COL20A1: variants seen among roughly 807,000 people sequenced by gnomAD.
COL20A1 encodes collagen alpha-1(XX) chain.
Under a neutral mutation model 152.9 loss-of-function variants are expected in COL20A1, and 164 were observed. That is an observed-to-expected ratio of 1.07 (90% CI 0.94 to 1.22). COL20A1 has a LOEUF of 1.22. COL20A1 is among the 50% of genes most tolerant of loss of function. The probability of loss-of-function intolerance (pLI) is 0.00; values close to 1 mark genes in which losing one functional copy is unlikely to be tolerated. For missense variants in COL20A1, 1,873 were observed against 1,744.8 expected, an observed-to-expected ratio of 1.07 and a Z score of -1.31; for synonymous variants, 864 against 756.0, an observed-to-expected ratio of 1.14 and a Z score of -2.34.
intron 7 of COL20A1, 55 bp downstream of exon 7, chr20:63,308,145 C>T: frequency 6.3e-7 from 1 of 1,595,002 alleles, no homozygotes; most frequent in Admixed American, 1.7e-5. Context: ...CCTTCTGCCG[C>T]CCTCCCAGAT....
intron 20 of COL20A1, among the ~76,000 whole-genome samples, chr20:63,316,081 G>C (rs964740419): frequency 6.6e-6 from 1 of 152,168 alleles, no homozygotes; most frequent in African/African-American, 2.4e-5. Context: ...GAGCGAGCTG[G>C]CCACGCTGTG....
At chr20:63,317,614 A>AGCC (rs1447558895) in intron 21 of COL20A1, among the ~76,000 whole-genome samples, 1 of 151,974 alleles carries the variant, frequency 6.6e-6, no homozygotes, top group African/African-American at 2.4e-5. Context: ...GTCCCCACAC[A>AGCC]GCCGCCGGCC....
chr20:63,327,198 C>T (rs150129155), intron 31 of COL20A1: 9,094 of 201,472 alleles, frequency 0.045, 313 homozygotes, highest in South Asian at 0.07. Context: ...GTTGACGGCC[C>T]GGGGACTTCC....
chr20:63,294,772 G>T (rs1177289780), intron 1 of COL20A1, among the ~76,000 whole-genome samples: 1 of 152,154 alleles, frequency 6.6e-6, no homozygotes, highest in Non-Finnish European at 1.5e-5. Flanking sequence ...GCCCGTCCCA[G>T]CCACCCCTGC....
intron 29 of COL20A1, 149 bp downstream of exon 29, chr20:63,325,870 T>A: frequency 1.2e-6 from 1 of 818,440 alleles, no homozygotes; most frequent in South Asian, 1.7e-5. Context: ...CCCTTCAGCC[T>A]GTGGCCTGGC....
At position 63,306,503 on chromosome 20, in the gene COL20A1, G is replaced by C. The variant is rs1051035703; in HGVS notation, c.496+464G>C. ...GGGAACCTCCAGCCTGGGTCTAGGG[G>C]GTGGTGAGAGGGGTGGGTCATGCTC... On this transcript the variant is annotated intron_variant, in intron 5 of 35. Transcript: ENST00000358894. This position sits in a 1 kb window ranked among gnomAD's most constrained non-coding sequence, Gnocchi z 6.9. Among the ~76,000 whole-genome samples, 2 of 152,244 alleles carry C rather than the reference G, an allele frequency of 1.3e-5. No homozygotes were observed. The highest frequency in any genetic ancestry group is 2.4e-5 in the African/African-American group (1 of 41,448).
chr20:63,308,592 C>T lies in COL20A1; in HGVS notation c.826C>T (p.Leu276Phe), dbSNP rs555238374. 6.2e-7 allele frequency: 1 copy of T among 1,605,550 alleles called. No homozygotes were observed. Among genetic ancestry groups the T allele is most frequent in the South Asian group, 1.1e-5 (1 of 89,786 alleles). ...GCAGAACCTGCAGCCGGCGGCTGGCCTCCGTCCAGAGGCAGCCAAGGTGGT... is the reference window on the plus strand; with the variant it reads ...GCAGAACCTGCAGCCGGCGGCTGGCTTCCGTCCAGAGGCAGCCAAGGTGGT... ...LGQNLQPAAG[L>F]RPEAAKVVIL... is the part of the protein sequence containing the mutation. The change falls in exon 8 of 36, where the codon CTC becomes TTC. Residue 276 changes from leucine to phenylalanine, a missense_variant. Coordinates refer to ENST00000358894, the MANE Select transcript of COL20A1 (RefSeq NM_020882.4).
chr20:63,307,451 G>T, intron 5 of COL20A1, 39 bp from the exon 6 acceptor site: 1 of 1,584,674 alleles, frequency 6.3e-7, no homozygotes, highest in South Asian at 1.1e-5. Context: ...GACCAGGGAT[G>T]GGCCTCACCT....
chr20:63,313,730 T>C lies in COL20A1; in HGVS notation c.2210-13T>C, dbSNP rs750777535. 6.4e-7 allele frequency: 1 copy of C among 1,568,406 alleles called. No individual in the cohort carries two copies. The highest frequency in any genetic ancestry group is 1.4e-5 in the African/African-American group (1 of 73,328). ...AGGGGCCTGAGCCCCACACAACCCA[T>C]GCTCTCGGCCAGCCACGGTGAGCAG... On this transcript the variant is annotated splice_polypyrimidine_tract_variant and intron_variant, in intron 17 of 35. Transcript: ENST00000358894. The surrounding 1 kb of genome is among the most constrained non-coding windows in gnomAD (Gnocchi z 5.9).
At position 63,313,809 on chromosome 20, in the gene COL20A1, T is replaced by G; in HGVS notation, c.2276T>G (p.Val759Gly). 1.9e-6 allele frequency: 3 copies of G among 1,610,768 alleles called. No homozygotes were observed. The highest frequency in any genetic ancestry group is 2.5e-6 in the Non-Finnish European group (3 of 1,179,196). The change falls in exon 18 of 36, where the codon GTC becomes GGC. Residue 759 changes from valine to glycine, a missense_variant. By Grantham distance (109) the Val-to-Gly change is moderately radical. Transcript: ENST00000358894. The surrounding 1 kb of genome is among the most constrained non-coding windows in gnomAD (Gnocchi z 5.9). The part of the protein sequence containing the change: ...LASETPDSLQ[V>G]SWTPPLGRVL... Reference sequence around the variant, plus strand: ...TCGGAGACCCCCGACAGCCTGCAGGTCAGCTGGACGCCCCCGCTTGGCCGC... The same window carrying G: ...TCGGAGACCCCCGACAGCCTGCAGGGCAGCTGGACGCCCCCGCTTGGCCGC...
chr20:63,307,316 G>A (rs568119099), intron 5 of COL20A1, among the ~76,000 whole-genome samples, 174 bp from the exon 6 acceptor site: 4 of 152,240 alleles, frequency 2.6e-5, no homozygotes, highest in African/African-American at 4.8e-5. Context: ...ATGTGCAGCC[G>A]TGCCGGTGTG....
Position 63,312,511 on chromosome 20 carries a change from G to C in COL20A1, c.1895G>C (p.Gly632Ala). The C allele has an allele frequency of 6.2e-7, 1 of 1,607,802 alleles. No homozygotes were observed. Among genetic ancestry groups the C allele is most frequent in the Non-Finnish European group, 8.5e-7 (1 of 1,178,412 alleles). ...GTCCGTGTCACCTGCCTCTACCCTG[G>C]GGGTGGCTCCTCTACGCTGACTGGC... ...YTVRVTCLYP[G>A]GGSSTLTGRV... The change falls in exon 15 of 36, where the codon GGG (glycine) becomes GCG (alanine). Residue 632 changes from glycine (G) to alanine (A), a missense_variant. Transcript: ENST00000358894.
intron 3 of COL20A1, among the ~76,000 whole-genome samples, chr20:63,303,378 T>C (rs2067882450): frequency 6.6e-6 from 1 of 152,206 alleles, no homozygotes; most frequent in South Asian, 2.1e-4. Context: ...ATATTAAATG[T>C]CATAAAACTT....
In COL20A1 at chr20:63,312,525, A is replaced by G; in HGVS notation, c.1909A>G (p.Thr637Ala). 1 of 1,599,132 alleles carries G rather than the reference A, an allele frequency of 6.3e-7. No individual in the cohort carries two copies. Among genetic ancestry groups the G allele is most frequent in the Non-Finnish European group, 8.5e-7 (1 of 1,175,016 alleles). Residue 637 changes from threonine to alanine, a missense_variant, in exon 15 of 36, where the codon ACG (threonine) becomes GCG (alanine). Thr to Ala is a moderately conservative substitution (Grantham distance 58). Transcript: ENST00000358894. Reference sequence around the variant, plus strand: ...CCTCTACCCTGGGGGTGGCTCCTCTACGCTGACTGGCCGGGTGACCACCAG... The same window carrying G: ...CCTCTACCCTGGGGGTGGCTCCTCTGCGCTGACTGGCCGGGTGACCACCAG... ...TCLYPGGGSS[T>A]LTGRVTTKKA...
intron 20 of COL20A1, 143 bp downstream of exon 20, chr20:63,315,582 G>A (rs369524814): frequency 8.2e-6 from 6 of 728,852 alleles, no homozygotes; most frequent in East Asian, 2.8e-5. Context: ...CTCCACAGAC[G>A]TCCCTGTGGC....
At chr20:63,295,282 G>A (rs995211028) in intron 2 of COL20A1, 93 bp downstream of exon 2, 10 of 780,858 alleles carry the variant, frequency 1.3e-5, no homozygotes, top group African/African-American at 3.5e-5. Flanking sequence ...CCTGAGCCCC[G>A]TCTTCCTCCT....
In COL20A1 at chr20:63,328,101, CCCTCTACCAG is replaced by C. The variant is rs1415161168; in HGVS notation, c.3589_3598del (p.Tyr1198Ter). ...CAGGGCGAGCCGCAGTCCCTTGCCACCCTCTACCAGCTTGTGAGCCAGGCCTGTGAGTCTG... is the reference window on the plus strand; with the variant it reads ...CAGGGCGAGCCGCAGTCCCTTGCCACCTTGTGAGCCAGGCCTGTGAGTCTG... On this transcript the variant is annotated frameshift_variant, in exon 33 of 36. Transcript: ENST00000358894. LOFTEE classifies it high-confidence loss of function. 3 of 1,613,416 alleles carry C rather than the reference CCCTCTACCAG, an allele frequency of 1.9e-6. No individual in the cohort carries two copies. Among genetic ancestry groups the C allele is most frequent in the Non-Finnish European group, 1.7e-6 (2 of 1,179,846 alleles).
chr20:63,328,188 G>A (rs373773237), intron 33 of COL20A1, 61 bp downstream of exon 33: 16 of 1,597,750 alleles, frequency 1.0e-5, no homozygotes, highest in African/African-American at 4.0e-5. Flanking sequence ...TACCACACCT[G>A]TCTGTCCTCA....
intron 21 of COL20A1, among the ~76,000 whole-genome samples, chr20:63,317,137 A>G (rs6011731): frequency 0.073 from 11,120 of 152,266 alleles, 460 homozygotes; most frequent in South Asian, 0.11. Context: ...GTTCATCGTG[A>G]CCCTGAACTG....
Sources: allele counts gnomAD v4.1 joint callset (sites outside exome capture counted in the v4.1 genomes callset), GRCh38; gene constraint gnomAD v4.1.1; non-coding constraint Gnocchi (gnomAD v3.1); transcripts MANE v1.5; gene names NCBI Gene and HGNC (gene_info 2026-07-23, HGNC 2026-07-21).